The following FAM120B variants were observed in gnomAD, a reference collection of about 807,000 sequenced individuals.
FAM120B encodes the protein constitutive coactivator of peroxisome proliferator-activated receptor gamma.
FAM120B carries 83 observed loss-of-function variants against 96.3 expected under a neutral mutation model. The observed-to-expected ratio is 0.86, with a 90% CI of 0.72 to 1.03. The LOEUF is 1.03. Among genes scored for constraint, FAM120B ranks in the 50% least tolerant of loss-of-function variants. FAM120B has a pLI of 0.00. For synonymous variants in FAM120B, 407 were observed against 402.7 expected, an observed-to-expected ratio of 1.01 and a Z score of -0.13; for missense variants, 1,027 against 1,121.2, an observed-to-expected ratio of 0.92 and a Z score of 1.20.
At chr6:170,401,211 C>T (rs747425771) in intron 9 of FAM120B, among the ~76,000 whole-genome samples, 61 of 152,306 alleles carry the variant, frequency 4.0e-4, no homozygotes, top group Middle Eastern at 3.4e-3. Context: ...GTAACAGGAA[C>T]CCCCCAGTCG....
chr6:170,322,585 G>A lies in FAM120B; in HGVS notation c.1735-494G>A, dbSNP rs145381832. On this transcript the variant is annotated intron_variant, in intron 2 of 10. Coordinates refer to ENST00000476287, the MANE Select transcript of FAM120B (RefSeq NM_032448.3). ...GCTATTTCTATGAGGGTGAAATGGT[G>A]TGCAAGGCTAGAAAAAGGAGATTGA... 3.0e-3 allele frequency among the ~76,000 whole-genome samples: 454 copies of A among 152,282 alleles called. 1 individual carries two copies. The highest frequency in any genetic ancestry group is 0.011 in the African/African-American group (437 of 41,558).
At chr6:170,294,594 C>T (rs1464697608), upstream of FAM120B, among the ~76,000 whole-genome samples, 1 of 152,166 alleles carries the variant, frequency 6.6e-6, no homozygotes, top group African/African-American at 2.4e-5. The surrounding 1 kb of genome is among the most constrained non-coding windows in gnomAD (Gnocchi z 7.9). Context: ...AATTCCAGTG[C>T]GGCCATCCTC....
chr6:170,333,863 A>G (rs931790999), intron 4 of FAM120B, among the ~76,000 whole-genome samples: 2 of 152,286 alleles, frequency 1.3e-5, no homozygotes, highest in East Asian at 3.9e-4. Flanking sequence ...CTTTTACAAT[A>G]TATCATGGAA....
chr6:170,369,186 A>G (rs887503380), intron 6 of FAM120B, among the ~76,000 whole-genome samples: 10 of 150,644 alleles, frequency 6.6e-5, no homozygotes, highest in African/African-American at 2.4e-4. Context: ...AGCAAAAGAA[A>G]TTAGTATTCA....
chr6:170,399,492 G>T, intron 9 of FAM120B, among the ~76,000 whole-genome samples: 1 of 148,932 alleles, frequency 6.7e-6, no homozygotes, highest in Non-Finnish European at 1.5e-5. Context: ...GAGAAAGGTA[G>T]AACTATGTCA....
chr6:170,406,269 C>T lies in FAM120B; in HGVS notation c.*1518C>T, dbSNP rs1562607882. 1 of 152,220 alleles carries T rather than the reference C, an allele frequency of 6.6e-6. No individual in the cohort carries two copies. The highest frequency in any genetic ancestry group is 1.5e-5 in the Non-Finnish European group (1 of 68,058). 9.4% of individuals were successfully genotyped at this position (152,220 alleles called of 1,614,324 possible). ...AGAAAAGCTGGTGGTGACCCCTGCT[C>T]CTGCTGGGCCATGCCATGGCTCTGA... On this transcript the variant is annotated 3_prime_UTR_variant, in exon 11 of 11. Transcript: ENST00000476287.
chr6:170,336,146 G>A (rs1444496612), intron 4 of FAM120B, among the ~76,000 whole-genome samples: 1 of 152,166 alleles, frequency 6.6e-6, no homozygotes, highest in Admixed American at 6.5e-5. Flanking sequence ...GAATGGTATT[G>A]TCTAGGTTTT....
At chr6:170,400,341 A>C (rs1298061248) in intron 9 of FAM120B, among the ~76,000 whole-genome samples, 1 of 152,154 alleles carries the variant, frequency 6.6e-6, no homozygotes, top group East Asian at 1.9e-4. Context: ...CATCAAGAAC[A>C]TGCCCCATCC....
intron 6 of FAM120B, among the ~76,000 whole-genome samples, chr6:170,364,309 A>G (rs1788642952): frequency 6.6e-6 from 1 of 152,162 alleles, no homozygotes; most frequent in South Asian, 2.1e-4. Flanking sequence ...CTTGTTCTGA[A>G]TCCACATGCC....
At chr6:170,394,027 G>A (rs1264544617) in intron 8 of FAM120B, among the ~76,000 whole-genome samples, 4 of 152,244 alleles carry the variant, frequency 2.6e-5, no homozygotes, top group Admixed American at 2.6e-4. Context: ...CATGCTGGAG[G>A]TGAGCTGGAG....
chr6:170,401,367 G>C (rs562336280), intron 9 of FAM120B, among the ~76,000 whole-genome samples: 1 of 152,274 alleles, frequency 6.6e-6, no homozygotes. Flanking sequence ...GCCCTCAGAT[G>C]GACACAGGTT....
intron 4 of FAM120B, among the ~76,000 whole-genome samples, chr6:170,337,982 T>C (rs1786555205): frequency 6.6e-6 from 1 of 152,184 alleles, no homozygotes; most frequent in Admixed American, 6.5e-5. Flanking sequence ...AAAACCCAGC[T>C]CCTGGATTCA....
chr6:170,387,425 G>A (rs998953250), intron 6 of FAM120B, among the ~76,000 whole-genome samples: 15 of 152,078 alleles, frequency 9.9e-5, no homozygotes, highest in African/African-American at 2.4e-4. Context: ...AGACAATGAC[G>A]GATTCAGTTT....
chr6:170,317,318 A>G (rs904848906), intron 1 of FAM120B, 52 bp from the exon 2 acceptor site: 37 of 1,395,990 alleles, frequency 2.7e-5, no homozygotes, highest in Non-Finnish European at 3.4e-5. Context: ...GAAAGGTGCC[A>G]TATATCTAAT....
chr6:170,365,994 A>G (rs1788768501), intron 6 of FAM120B, among the ~76,000 whole-genome samples: 2 of 152,118 alleles, frequency 1.3e-5, no homozygotes, highest in South Asian at 4.2e-4. Flanking sequence ...CCTCACAATC[A>G]TAACAGCAGT....
intron 6 of FAM120B, among the ~76,000 whole-genome samples, chr6:170,374,589 G>A (rs2115262597): frequency 6.6e-6 from 1 of 152,330 alleles, no homozygotes; most frequent in East Asian, 1.9e-4. Context: ...CTCGTTCAGA[G>A]CACACCCTGA....
chr6:170,397,218 ATGG>A (rs1778222907), intron 9 of FAM120B, among the ~76,000 whole-genome samples: 1 of 152,210 alleles, frequency 6.6e-6, no homozygotes, highest in Admixed American at 6.5e-5. Context: ...CACATGAGCC[ATGG>A]TGAGGGTGCT....
At chr6:170,294,663 C>A (rs1783957855), upstream of FAM120B, among the ~76,000 whole-genome samples, 1 of 152,158 alleles carries the variant, frequency 6.6e-6, no homozygotes. This position sits in a 1 kb window ranked among gnomAD's most constrained non-coding sequence, Gnocchi z 7.9. Flanking sequence ...CCCCCCTTTC[C>A]AAAGAAAGGT....
intron 3 of FAM120B, among the ~76,000 whole-genome samples, chr6:170,325,441 A>G (rs1298787378): frequency 6.7e-6 from 1 of 149,586 alleles, no homozygotes; most frequent in African/African-American, 2.5e-5. Flanking sequence ...TTTTTTCCCC[A>G]CCTTATTTTC....
Sources: allele counts gnomAD v4.1 joint callset (sites outside exome capture counted in the v4.1 genomes callset), GRCh38; gene constraint gnomAD v4.1.1; non-coding constraint Gnocchi (gnomAD v3.1); transcripts MANE v1.5; gene names NCBI Gene and HGNC (gene_info 2026-07-23, HGNC 2026-07-21).